The following SPOCK1 variants were observed in gnomAD, a reference collection of about 807,000 sequenced individuals.
SPOCK1 encodes the protein SPARC (osteonectin), cwcv and kazal like domains proteoglycan 1.
In SPOCK1, 23 loss-of-function variants were observed where a neutral mutation model predicts 55.3. The observed-to-expected ratio is 0.42, with a 90% CI of 0.30 to 0.59. The LOEUF (loss-of-function observed/expected upper bound fraction) is 0.59. SPOCK1 is among the 20% of genes least tolerant of loss of function. The pLI, the probability that SPOCK1 is intolerant of heterozygous loss-of-function variation, is 0.22. For missense variants in SPOCK1, 499 were observed against 552.5 expected, an observed-to-expected ratio of 0.90 and a Z score of 0.97; for synonymous variants, 226 against 221.0, an observed-to-expected ratio of 1.02 and a Z score of -0.20.
chr5:137,057,583 T>C (rs1752324169), intron 6 of SPOCK1, among the ~76,000 whole-genome samples: 1 of 152,136 alleles, frequency 6.6e-6, no homozygotes, highest in Non-Finnish European at 1.5e-5. Flanking sequence ...TAACTCTACT[T>C]TTATAGCTAA....
At chr5:137,231,586 A>T (rs1756065834) in intron 3 of SPOCK1, among the ~76,000 whole-genome samples, 1 of 152,220 alleles carries the variant, frequency 6.6e-6, no homozygotes, top group Non-Finnish European at 1.5e-5. Flanking sequence ...TTATTATTGC[A>T]AAGTACTATT....
At chr5:137,324,112 G>A (rs1008006752) in intron 2 of SPOCK1, among the ~76,000 whole-genome samples, 10 of 152,148 alleles carry the variant, frequency 6.6e-5, no homozygotes, top group African/African-American at 2.4e-4. Context: ...GTAAGATGTG[G>A]TGTACAAATA....
intron 7 of SPOCK1, among the ~76,000 whole-genome samples, chr5:136,990,609 C>A (rs998253933): frequency 6.8e-6 from 1 of 148,136 alleles, no homozygotes; most frequent in South Asian, 2.2e-4. Flanking sequence ...CTTCTTTGAT[C>A]GAATGTCATG....
At chr5:137,147,566 G>T (rs866508844) in intron 3 of SPOCK1, among the ~76,000 whole-genome samples, 2 of 152,146 alleles carry the variant, frequency 1.3e-5, no homozygotes, top group African/African-American at 2.4e-5. Flanking sequence ...GTCTTTCCTC[G>T]ATGCAAGCAC....
chr5:137,324,300 C>G (rs1321297424), intron 2 of SPOCK1, among the ~76,000 whole-genome samples: 1 of 152,040 alleles, frequency 6.6e-6, no homozygotes, highest in Non-Finnish European at 1.5e-5. Context: ...CAAAAATTAG[C>G]CAGGTGTGGG....
At chr5:137,160,662 T>G (rs1236023609) in intron 3 of SPOCK1, among the ~76,000 whole-genome samples, 2 of 101,556 alleles carry the variant, frequency 2.0e-5, no homozygotes, top group Non-Finnish European at 3.5e-5. Context: ...TAATATACAA[T>G]ATATAATATA....
intron 6 of SPOCK1, among the ~76,000 whole-genome samples, chr5:137,054,065 G>C (rs1247571491): frequency 6.6e-6 from 1 of 152,110 alleles, no homozygotes; most frequent in Non-Finnish European, 1.5e-5. Context: ...GTGTATGTGT[G>C]TGTGCATGCG....
chr5:137,389,208 C>T (rs572564280), intron 2 of SPOCK1, among the ~76,000 whole-genome samples: 1 of 152,322 alleles, frequency 6.6e-6, no homozygotes, highest in Non-Finnish European at 1.5e-5. Context: ...TGGTGTTGCA[C>T]AAGACTACCA....
intron 3 of SPOCK1, among the ~76,000 whole-genome samples, chr5:137,248,751 A>G (rs1756450814): frequency 6.6e-6 from 1 of 152,242 alleles, no homozygotes; most frequent in African/African-American, 2.4e-5. Context: ...AGGGCTTAGT[A>G]AAGAAGCTGG....
At chr5:137,341,513 G>A (rs1750423156) in intron 2 of SPOCK1, among the ~76,000 whole-genome samples, 1 of 152,222 alleles carries the variant, frequency 6.6e-6, no homozygotes, top group South Asian at 2.1e-4. Flanking sequence ...TATGTCACTT[G>A]GCTTTTGAGA....
chr5:137,230,981 C>T (rs981686838), intron 3 of SPOCK1, among the ~76,000 whole-genome samples: 4 of 152,026 alleles, frequency 2.6e-5, no homozygotes, highest in African/African-American at 9.7e-5. Flanking sequence ...TGTATACCTT[C>T]CTGTATCCAC....
chr5:137,266,754 T>A (rs72794574), intron 3 of SPOCK1, among the ~76,000 whole-genome samples: 26,015 of 151,922 alleles, frequency 0.17, 2,870 homozygotes, highest in Admixed American at 0.25. Flanking sequence ...CACTTTTTTT[T>A]TAAAACAAAA....
At chr5:137,331,729 G>A (rs1758187396) in intron 2 of SPOCK1, among the ~76,000 whole-genome samples, 1 of 152,120 alleles carries the variant, frequency 6.6e-6, no homozygotes, top group African/African-American at 2.4e-5. Flanking sequence ...TCACCGAGGG[G>A]ATGGTGCTAA....
At chr5:137,494,497 T>C (rs1196976461) in intron 2 of SPOCK1, among the ~76,000 whole-genome samples, 1 of 147,828 alleles carries the variant, frequency 6.8e-6, no homozygotes, top group African/African-American at 2.4e-5. Context: ...CATAGGATTG[T>C]TATGAATATT....
At chr5:137,360,781 T>C (rs1342542802) in intron 2 of SPOCK1, among the ~76,000 whole-genome samples, 2 of 152,170 alleles carry the variant, frequency 1.3e-5, no homozygotes, top group African/African-American at 4.8e-5. Context: ...TTCTCAAACT[T>C]CCTCCAAAGA....
At chr5:137,077,671 T>C (rs1752798371) in intron 5 of SPOCK1, among the ~76,000 whole-genome samples, 1 of 152,210 alleles carries the variant, frequency 6.6e-6, no homozygotes, top group African/African-American at 2.4e-5. Flanking sequence ...CCTGCAGCTA[T>C]TCCTAGCTAA....
At chr5:137,495,577 T>C (rs1318002184) in intron 2 of SPOCK1, among the ~76,000 whole-genome samples, 3 of 152,222 alleles carry the variant, frequency 2.0e-5, no homozygotes, top group Non-Finnish European at 4.4e-5. Flanking sequence ...TTCAAAGTTA[T>C]CAGTAGCTTC....
chr5:137,309,699 T>G (rs1462933650), intron 2 of SPOCK1, among the ~76,000 whole-genome samples: 2 of 152,110 alleles, frequency 1.3e-5, no homozygotes, highest in East Asian at 1.9e-4. Flanking sequence ...AAATCTGTGT[T>G]TCTATGTGTG....
At chr5:137,492,463 T>G (rs1754204661) in intron 2 of SPOCK1, among the ~76,000 whole-genome samples, 1 of 152,210 alleles carries the variant, frequency 6.6e-6, no homozygotes, top group Non-Finnish European at 1.5e-5. Flanking sequence ...TGATGTAACT[T>G]GACCCCTGGA....
Sources: allele counts gnomAD v4.1 joint callset (sites outside exome capture counted in the v4.1 genomes callset), GRCh38; gene constraint gnomAD v4.1.1; transcripts MANE v1.5; gene names NCBI Gene and HGNC (gene_info 2026-07-23, HGNC 2026-07-21).